Variants in ANO2 observed in about 807,000 individuals in gnomAD.
The protein encoded by ANO2 is anoctamin 2.
In ANO2, 101 loss-of-function variants were observed where a neutral mutation model predicts 124.2. That is an observed-to-expected ratio of 0.81 (90% CI 0.69 to 0.96). The LOEUF is 0.96. Among genes scored for constraint, ANO2 ranks in the 40% least tolerant of loss-of-function variants. The pLI is 0.00. For missense variants in ANO2, 1,293 were observed against 1,274.5 expected (o/e 1.01, Z -0.22); for synonymous variants, 486 against 482.5 (o/e 1.01, Z -0.09).
chr12:5,706,169 T>A (rs1949601672), intron 14 of ANO2, among the ~76,000 whole-genome samples: 1 of 152,210 alleles, frequency 6.6e-6, no homozygotes, highest in Non-Finnish European at 1.5e-5. Context: ...TCATGCACAT[T>A]ACCTTATTTT....
chr12:5,568,210 G>A (rs1258532035), intron 23 of ANO2, among the ~76,000 whole-genome samples: 1 of 148,414 alleles, frequency 6.7e-6, no homozygotes, highest in East Asian at 2.0e-4. Flanking sequence ...CGTGATCTCG[G>A]CTCACTGCAA....
At chr12:5,675,910 G>C (rs142084570) in intron 14 of ANO2, among the ~76,000 whole-genome samples, 1 of 152,314 alleles carries the variant, frequency 6.6e-6, no homozygotes, top group Non-Finnish European at 1.5e-5. Flanking sequence ...CTGAGACTGG[G>C]AGGCCTGTCT....
intron 1 of ANO2, among the ~76,000 whole-genome samples, chr12:5,928,247 G>A (rs954869377): frequency 1.3e-5 from 2 of 152,084 alleles, no homozygotes; most frequent in Non-Finnish European, 2.9e-5. Flanking sequence ...CCTAACTCCT[G>A]GTGGCTGAAG....
chr12:5,653,490 T>A (rs1221511540), intron 14 of ANO2, among the ~76,000 whole-genome samples: 2 of 152,120 alleles, frequency 1.3e-5, no homozygotes, highest in African/African-American at 4.8e-5. Flanking sequence ...TCTAATGGGG[T>A]CTAATGGGAC....
intron 7 of ANO2, among the ~76,000 whole-genome samples, chr12:5,821,895 T>C (rs1953811545): frequency 6.6e-6 from 1 of 152,150 alleles, no homozygotes. Context: ...GTGGCTCAAA[T>C]GCTCATGGTC....
Position 5,635,745 on chromosome 12 carries a change from T to C in ANO2, c.1621-398A>G, listed in dbSNP as rs552515181. 2.6e-5 allele frequency among the ~76,000 whole-genome samples: 4 copies of C among 152,174 alleles called. No homozygotes were observed. Among genetic ancestry groups the C allele is most frequent in the African/African-American group, 9.6e-5 (4 of 41,496 alleles). ...ACATGAACTCCTTTTAAATAAACCA[T>C]AGTAAATAATGCCCAAGAAGGTATT... On this transcript the variant is annotated intron_variant, in intron 15 of 24. Coordinates refer to ENST00000682330, the MANE Select transcript of ANO2 (RefSeq NM_001364791.2). This position sits in a 1 kb window ranked among gnomAD's most constrained non-coding sequence, Gnocchi z 5.2.
rs141524056 is a variant in ANO2 at position 5,636,058 on chromosome 12, A to G, written c.1621-711T>C. ...CAAAATATCACTGTAAGATTTCTCT[A>G]CTAGGTGACTTGAAATGGAGGACTC... On this transcript the variant is annotated intron_variant, in intron 15 of 24. Transcript: ENST00000682330. The surrounding 1 kb of genome is among the most constrained non-coding windows in gnomAD (Gnocchi z 4.6). 1.3e-5 allele frequency among the ~76,000 whole-genome samples: 2 copies of G among 152,288 alleles called. No homozygotes were observed. Among genetic ancestry groups the G allele is most frequent in the Non-Finnish European group, 2.9e-5 (2 of 68,020 alleles).
intron 12 of ANO2, chr12:5,739,936 C>T (rs1246807457): frequency 2.2e-6 from 1 of 456,178 alleles, no homozygotes; most frequent in African/African-American, 2.0e-5. Context: ...CCTTCCAACC[C>T]ATCCTGCATG....
intron 4 of ANO2, among the ~76,000 whole-genome samples, chr12:5,848,358 T>TC (rs1372732773): frequency 2.4e-4 from 34 of 144,360 alleles, no homozygotes; most frequent in Admixed American, 5.4e-4. Context: ...CTTCCCTACT[T>TC]CCCCCCCTCC....
Position 5,578,427 on chromosome 12 carries a change from G to A in ANO2, c.2325C>T (p.Leu775=), listed in dbSNP as rs201702934. The change falls in exon 21 of 25, where the codon CTC becomes CTT. Residue 775 remains leucine (L), a synonymous_variant. Coordinates refer to ENST00000682330, the MANE Select transcript of ANO2 (RefSeq NM_001364791.2). The stretch of plus-strand genomic sequence containing the variant: ...GCTCTGTAACAAACTTCTTTGCATC[G>A]AGCCGCACTTCAATGACGTTGTTGA... ...ALLNNVIEVR[L]DAKKFVTELR... is the part of the protein sequence containing the mutation. 8.4e-5 allele frequency: 135 copies of A among 1,613,780 alleles called. 1 individual carries two copies. Among genetic ancestry groups the A allele is most frequent in the East Asian group, 2.0e-4 (9 of 44,884 alleles).
In ANO2 at chr12:5,706,427, C is replaced by T. The variant is rs554485308; in HGVS notation, c.1545+26093G>A. Among the ~76,000 whole-genome samples, 39 of 152,076 alleles carry T rather than the reference C, an allele frequency of 2.6e-4. No homozygotes were observed. The South Asian group carries it at 6.5e-3, about 25-fold the overall frequency. On this transcript the variant is annotated intron_variant, in intron 14 of 24. Coordinates refer to ENST00000682330, the MANE Select transcript of ANO2 (RefSeq NM_001364791.2). ...TAACACATCAGGAATATACCTGCCCCGGGGCCTTTGCACTTGCTATCTCTC... is the reference window on the plus strand; with the variant it reads ...TAACACATCAGGAATATACCTGCCCTGGGGCCTTTGCACTTGCTATCTCTC...
At chr12:5,578,247 AC>A in intron 21 of ANO2, 118 bp downstream of exon 21, 4 of 1,413,520 alleles carry the variant, frequency 2.8e-6, no homozygotes, top group Admixed American at 2.1e-5. Context: ...AGGATGAGGG[AC>A]CCAAAGGGAA....
In ANO2 at chr12:5,607,291, CA is replaced by C. The variant is rs1944268426; in HGVS notation, c.2087+5364del. 2.6e-5 allele frequency among the ~76,000 whole-genome samples: 4 copies of C among 152,320 alleles called. No individual in the cohort carries two copies. In the South Asian group the frequency reaches 8.3e-4, roughly 32 times the overall value. ...GTTAAACACAAAAGCCTATGCCACA[CA>C]GTAAAATGTTGGCCACCTGGAAACC... On this transcript the variant is annotated intron_variant, in intron 19 of 24. Transcript: ENST00000682330.
rs1941535352 is a variant in ANO2, at chr12:5,563,221, C to T, written c.*78G>A. On this transcript the variant is annotated 3_prime_UTR_variant, in exon 25 of 25. Coordinates refer to ENST00000682330, the MANE Select transcript of ANO2 (RefSeq NM_001364791.2). The stretch of plus-strand genomic sequence containing the variant: ...AGGCCCCTGCAGACAGACAGCACGC[C>T]ATGTGGGTGTAGGAACATGCTTACG... The T allele has an allele frequency of 6.7e-7, 1 of 1,499,826 alleles. No individual in the cohort carries two copies. The highest frequency in any genetic ancestry group is 8.9e-7 in the Non-Finnish European group (1 of 1,124,906). 92.9% of individuals were successfully genotyped at this position (1,499,826 alleles called of 1,614,324 possible). A position where few individuals can be genotyped will look rare whatever the true frequency, so the allele number is the denominator to read the frequency against.
chr12:5,853,272 G>T (rs1258604205), intron 4 of ANO2, among the ~76,000 whole-genome samples: 2 of 150,296 alleles, frequency 1.3e-5, no homozygotes, highest in African/African-American at 4.9e-5. Flanking sequence ...AAAGTGCTGG[G>T]ATTACAGGTG....
rs1758813358 is a variant in ANO2 at position 5,658,722 on chromosome 12, A to G, written c.1546-10921T>C. 1.3e-5 allele frequency among the ~76,000 whole-genome samples: 2 copies of G among 151,596 alleles called. No individual in the cohort carries two copies. Among genetic ancestry groups the G allele is most frequent in the Non-Finnish European group, 2.9e-5 (2 of 68,024 alleles). On this transcript the variant is annotated intron_variant, in intron 14 of 24. Transcript: ENST00000682330. The surrounding 1 kb of genome is among the most constrained non-coding windows in gnomAD (Gnocchi z 4.3). Reference sequence around the variant, plus strand: ...AGCATCAATATTATCATTGTCATCAATATCATCATCATCATCATCAACATC... The same window carrying G: ...AGCATCAATATTATCATTGTCATCAGTATCATCATCATCATCATCAACATC...
At chr12:5,591,009 G>A (rs1408065105) in intron 20 of ANO2, among the ~76,000 whole-genome samples, 2 of 152,096 alleles carry the variant, frequency 1.3e-5, no homozygotes, top group Admixed American at 6.5e-5. Flanking sequence ...GTGAAACCCC[G>A]TCTCTACTAA....
chr12:5,600,523 A>G (rs1943890746), intron 19 of ANO2, among the ~76,000 whole-genome samples: 1 of 152,216 alleles, frequency 6.6e-6, no homozygotes, highest in Non-Finnish European at 1.5e-5. Context: ...ATTAAGTGAA[A>G]CAATGTTTAT....
intron 14 of ANO2, among the ~76,000 whole-genome samples, chr12:5,696,103 C>T (rs1253576188): frequency 1.3e-5 from 2 of 151,296 alleles, no homozygotes; most frequent in Admixed American, 6.6e-5. Context: ...CAAAGAAAAA[C>T]AGAGTTCAGT....
Sources: gnomAD v4.1 joint callset for allele counts (sites outside exome capture counted in the v4.1 genomes callset) on GRCh38, gnomAD v4.1.1 for gene constraint, Gnocchi (gnomAD v3.1) non-coding constraint, MANE v1.5 for transcripts, NCBI Gene and HGNC (gene_info 2026-07-23, HGNC 2026-07-21) for gene names.